MCTP1: variants seen among roughly 807,000 people sequenced by gnomAD.
MCTP1 encodes the protein multiple C2 and transmembrane domain containing 1.
In MCTP1, 69 loss-of-function variants were observed where a neutral mutation model predicts 120.6. The observed-to-expected ratio is 0.57, with a 90% CI of 0.47 to 0.70. MCTP1 has a LOEUF of 0.70. Among genes scored for constraint, MCTP1 ranks in the 30% least tolerant of loss-of-function variants. MCTP1 has a pLI of 0.00. For synonymous variants in MCTP1, 529 were observed against 493.1 expected, an observed-to-expected ratio of 1.07 and a Z score of -0.96; for missense variants, 1,203 against 1,248.8, an observed-to-expected ratio of 0.96 and a Z score of 0.55.
chr5:95,283,796 G>A (rs557148052), intron 1 of MCTP1, 60 bp downstream of exon 1: 26 of 1,258,462 alleles, frequency 2.1e-5, no homozygotes, highest in Non-Finnish European at 2.6e-5. Context: ...GGTGGTGAAC[G>A]CCTGAAGAGG....
chr5:94,786,384 T>C (rs1314947274), intron 18 of MCTP1, among the ~76,000 whole-genome samples: 1 of 152,194 alleles, frequency 6.6e-6, no homozygotes, highest in Non-Finnish European at 1.5e-5. Context: ...AGTTCTTTTC[T>C]TATATCCTTT....
At chr5:94,868,991 C>A (rs1434503800) in intron 16 of MCTP1, among the ~76,000 whole-genome samples, 4 of 151,818 alleles carry the variant, frequency 2.6e-5, no homozygotes, top group Non-Finnish European at 5.9e-5. Context: ...CTATCTATAT[C>A]TGTATCTCTC....
chr5:95,110,085 C>T (rs765653652), intron 1 of MCTP1, among the ~76,000 whole-genome samples: 52 of 152,128 alleles, frequency 3.4e-4, no homozygotes, highest in Non-Finnish European at 6.6e-4. Flanking sequence ...TTCCCCAAAA[C>T]AACACAGCCT....
At chr5:95,132,694 A>G (rs1239697730) in intron 1 of MCTP1, among the ~76,000 whole-genome samples, 1 of 152,128 alleles carries the variant, frequency 6.6e-6, no homozygotes, top group Non-Finnish European at 1.5e-5. Context: ...TGGTAGCACT[A>G]TCTCACCAAG....
intron 19 of MCTP1, among the ~76,000 whole-genome samples, chr5:94,766,959 G>A (rs1772908404): frequency 6.6e-6 from 1 of 151,688 alleles, no homozygotes; most frequent in Admixed American, 6.6e-5. Flanking sequence ...ATCCAGACAA[G>A]GACACAATAA....
intron 1 of MCTP1, among the ~76,000 whole-genome samples, chr5:95,144,840 A>T (rs1760242892): frequency 6.6e-6 from 1 of 152,020 alleles, no homozygotes; most frequent in Non-Finnish European, 1.5e-5. Context: ...TAGGTCACAT[A>T]ATGCCTTTGA....
intron 3 of MCTP1, among the ~76,000 whole-genome samples, chr5:94,944,037 C>CT (rs917703859): frequency 2.0e-5 from 3 of 151,208 alleles, no homozygotes; most frequent in Non-Finnish European, 3.0e-5. Context: ...ATCAGTTGCT[C>CT]TTTTTTTTTC....
Position 94,710,863 on chromosome 5 carries a change from CTG to C in MCTP1, c.2783_2784del (p.Thr928SerfsTer19). On this transcript the variant is annotated frameshift_variant, in exon 21 of 23. Coordinates refer to ENST00000515393, the MANE Select transcript of MCTP1 (RefSeq NM_024717.7). LOFTEE classifies it high-confidence loss of function. ...WLAIVALCVF[T>X]AILYCIPLRY... ...CTCAGCGGAATGCAGTACAGGATGG[CTG>C]TGAACACACAGAGGGCTACAATGGC... 6.2e-7 allele frequency: 1 copy of C among 1,613,006 alleles called. No individual in the cohort carries two copies. Among genetic ancestry groups the C allele is most frequent in the Non-Finnish European group, 8.5e-7 (1 of 1,179,362 alleles).
chr5:95,128,376 T>C (rs2152419860), intron 1 of MCTP1, among the ~76,000 whole-genome samples: 1 of 152,338 alleles, frequency 6.6e-6, no homozygotes, highest in South Asian at 2.1e-4. Context: ...TACATAAACA[T>C]TCATGTTAGC....
intron 17 of MCTP1, among the ~76,000 whole-genome samples, chr5:94,862,591 A>G (rs1386998129): frequency 6.6e-6 from 1 of 151,842 alleles, no homozygotes; most frequent in East Asian, 1.9e-4. Context: ...CTGGCTTGCT[A>G]TATTTCCTAA....
intron 17 of MCTP1, among the ~76,000 whole-genome samples, chr5:94,828,359 C>G (rs1466482433): frequency 6.6e-6 from 1 of 152,188 alleles, no homozygotes; most frequent in Non-Finnish European, 1.5e-5. Flanking sequence ...CAGATGCCAG[C>G]TGGAGCTCTC....
At chr5:95,007,193 G>T (rs922058099) in intron 2 of MCTP1, among the ~76,000 whole-genome samples, 1 of 152,082 alleles carries the variant, frequency 6.6e-6, no homozygotes, top group Non-Finnish European at 1.5e-5. Context: ...CAGCATGAGG[G>T]TAATCGCCCC....
At chr5:94,767,803 G>T (rs1773137549) in intron 19 of MCTP1, among the ~76,000 whole-genome samples, 3 of 152,040 alleles carry the variant, frequency 2.0e-5, no homozygotes, top group African/African-American at 7.2e-5. Context: ...TGGATTTGAA[G>T]AATATTGTTA....
intron 1 of MCTP1, among the ~76,000 whole-genome samples, chr5:95,188,381 A>G (rs906438787): frequency 1.9e-4 from 29 of 152,230 alleles, no homozygotes; most frequent in African/African-American, 5.8e-4. Context: ...CTATCACCAT[A>G]TGACCCAGCA....
In MCTP1 at chr5:94,931,997, A is replaced by C. The variant is rs1814802071; in HGVS notation, c.1174-6T>G. The C allele has an allele frequency of 1.3e-6, 2 of 1,585,500 alleles. No homozygotes were observed. Among genetic ancestry groups the C allele is most frequent in the African/African-American group, 2.7e-5 (2 of 74,208 alleles). On this transcript the variant is annotated splice_polypyrimidine_tract_variant and splice_region_variant and intron_variant, in intron 5 of 22. Transcript: ENST00000515393. ...CTCTTCCTCATTAGCATTGTCTGTA[A>C]ATAAAATAAAGCATTTTCATTATCT...
chr5:95,029,132 G>C (rs1473849273), intron 1 of MCTP1, among the ~76,000 whole-genome samples: 6 of 149,262 alleles, frequency 4.0e-5, no homozygotes, highest in Non-Finnish European at 5.9e-5. Flanking sequence ...CTACAGCCTG[G>C]GTGACAGAGC....
At chr5:94,823,473 A>G (rs1225459018) in intron 17 of MCTP1, among the ~76,000 whole-genome samples, 1 of 152,220 alleles carries the variant, frequency 6.6e-6, no homozygotes, top group East Asian at 1.9e-4. Flanking sequence ...GAAGTCAGGT[A>G]GCATTATGCA....
chr5:95,247,500 T>A (rs1756933282), intron 1 of MCTP1, among the ~76,000 whole-genome samples: 1 of 152,194 alleles, frequency 6.6e-6, no homozygotes, highest in Non-Finnish European at 1.5e-5. Flanking sequence ...CGATTTTAGA[T>A]CTTTCCTGCT....
At chr5:95,054,206 G>T (rs1746756238) in intron 1 of MCTP1, among the ~76,000 whole-genome samples, 1 of 152,170 alleles carries the variant, frequency 6.6e-6, no homozygotes, top group Non-Finnish European at 1.5e-5. Flanking sequence ...CACAGCCCGA[G>T]ACCTGTCCAA....
Sources: allele counts gnomAD v4.1 joint callset (sites outside exome capture counted in the v4.1 genomes callset), GRCh38; gene constraint gnomAD v4.1.1; transcripts MANE v1.5; gene names NCBI Gene and HGNC (gene_info 2026-07-23, HGNC 2026-07-21).